Variants in RGS7 observed in about 807,000 individuals in gnomAD.
RGS7 encodes the protein regulator of G protein signaling 7.
A neutral mutation model predicts 81.1 loss-of-function variants in RGS7; 27 were observed. The ratio of observed to expected loss-of-function variants is 0.33; its 90% CI spans 0.25 to 0.46. The LOEUF is 0.46. Among genes scored for constraint, RGS7 ranks in the 20% least tolerant of loss-of-function variants. The pLI is 1.00. For synonymous variants in RGS7, 208 were observed against 207.7 expected (o/e 1.00, Z -0.01); for missense variants, 396 against 607.4 (o/e 0.65, Z 3.66).
intron 10 of RGS7, among the ~76,000 whole-genome samples, chr1:240,816,675 T>A (rs1690857798): frequency 6.6e-6 from 1 of 152,186 alleles, no homozygotes; most frequent in South Asian, 2.1e-4. Context: ...GTGCATGTGA[T>A]AAAATTTGAG....
At chr1:241,020,912 G>T (rs1201784192) in intron 3 of RGS7, among the ~76,000 whole-genome samples, 1 of 152,128 alleles carries the variant, frequency 6.6e-6, no homozygotes, top group Non-Finnish European at 1.5e-5. Context: ...AGCAATTTGG[G>T]ATCATTCCTT....
At chr1:241,284,441 C>A (rs1041533032) in intron 2 of RGS7, among the ~76,000 whole-genome samples, 1 of 151,982 alleles carries the variant, frequency 6.6e-6, no homozygotes, top group Non-Finnish European at 1.5e-5. Context: ...TTCAATGATA[C>A]CAGAGTGGTG....
rs1279556226 is a variant in RGS7, at chr1:240,823,937, AACTT to A, written c.684+3157_684+3160del. Among the ~76,000 whole-genome samples, 7 of 151,718 alleles carry A rather than the reference AACTT, an allele frequency of 4.6e-5. No homozygotes were observed. In the East Asian group the frequency reaches 7.8e-4, roughly 17 times the overall value. On this transcript the variant is annotated intron_variant, in intron 10 of 18. Transcript: ENST00000440928. ...ACATCAGACCGACAGTTCCCCTTCA[AACTT>A]ACTTAGATTAGGCTGATTTCTTTCT...
chr1:240,924,196 T>C (rs1442177672), intron 6 of RGS7, among the ~76,000 whole-genome samples: 1 of 152,194 alleles, frequency 6.6e-6, no homozygotes. Flanking sequence ...CTACAATTGC[T>C]GTGGTTGGCC....
chr1:241,324,168 T>C (rs751350798), intron 2 of RGS7, among the ~76,000 whole-genome samples: 12 of 152,184 alleles, frequency 7.9e-5, no homozygotes, highest in African/African-American at 1.2e-4. Context: ...CACACGGGCA[T>C]AGTAGCTCAA....
At chr1:241,137,253 A>T (rs1313971753) in intron 2 of RGS7, among the ~76,000 whole-genome samples, 1 of 151,768 alleles carries the variant, frequency 6.6e-6, no homozygotes, top group Non-Finnish European at 1.5e-5. Context: ...TCCTTGAGGG[A>T]AATTTATGTT....
chr1:241,116,812 C>T (rs150739695), intron 2 of RGS7, among the ~76,000 whole-genome samples: 34 of 152,234 alleles, frequency 2.2e-4, no homozygotes, highest in African/African-American at 7.5e-4. Context: ...CTCCTTCCAG[C>T]TATTTGAAAT....
At chr1:241,109,207 C>T (rs2065340844) in intron 2 of RGS7, among the ~76,000 whole-genome samples, 2 of 152,160 alleles carry the variant, frequency 1.3e-5, no homozygotes, top group Admixed American at 1.3e-4. Flanking sequence ...TCAGCAATTG[C>T]TCCTGCCTGC....
intron 2 of RGS7, among the ~76,000 whole-genome samples, chr1:241,120,265 G>A (rs2066158024): frequency 6.6e-6 from 1 of 152,166 alleles, no homozygotes; most frequent in African/African-American, 2.4e-5. Context: ...CAGGGGCTTT[G>A]AGAAGCCTTT....
At chr1:240,836,614 T>TA (rs756999155) in intron 9 of RGS7, among the ~76,000 whole-genome samples, 1 of 152,242 alleles carries the variant, frequency 6.6e-6, no homozygotes, top group Non-Finnish European at 1.5e-5. Context: ...GGGTTGTATT[T>TA]ACATACAATG....
intron 10 of RGS7, among the ~76,000 whole-genome samples, chr1:240,824,543 G>A (rs1242060240): frequency 8.5e-5 from 13 of 152,238 alleles, no homozygotes; most frequent in South Asian, 2.1e-4. Context: ...ATCTCACAGC[G>A]TCACCTGCTC....
At chr1:241,075,619 CTCA>C (rs1481790292) in intron 3 of RGS7, among the ~76,000 whole-genome samples, 1 of 152,156 alleles carries the variant, frequency 6.6e-6, no homozygotes, top group Admixed American at 6.5e-5. Flanking sequence ...GCAAAAACGT[CTCA>C]TCATGTTTTA....
At chr1:241,224,949 C>A (rs1481543809) in intron 2 of RGS7, among the ~76,000 whole-genome samples, 1 of 151,992 alleles carries the variant, frequency 6.6e-6, no homozygotes, top group Non-Finnish European at 1.5e-5. Context: ...GCACTCACAG[C>A]ATGATAACTG....
chr1:241,273,176 C>CA (rs773516656), intron 2 of RGS7, among the ~76,000 whole-genome samples: 4 of 12,084 alleles, frequency 3.3e-4, no homozygotes, highest in Non-Finnish European at 5.4e-4. Context: ...TAATAATGAA[C>CA]CCCCCCCCCC....
rs1438409621 is a variant in RGS7, at chr1:240,933,904, G to A, written c.333+2696C>T. The stretch of plus-strand genomic sequence containing the variant: ...TTGAGACAAATATATAAACTGTCAT[G>A]CCAATGAAATAAAGATTTCTGTTTA... On this transcript the variant is annotated intron_variant, in intron 5 of 18. Transcript: ENST00000440928. Among the ~76,000 whole-genome samples, 5 of 152,102 alleles carry A rather than the reference G, an allele frequency of 3.3e-5. No homozygotes were observed. The East Asian group carries it at 5.8e-4, about 18-fold the overall frequency.
intron 6 of RGS7, among the ~76,000 whole-genome samples, chr1:240,899,373 C>T (rs773091645): frequency 6.6e-6 from 1 of 152,132 alleles, no homozygotes; most frequent in Non-Finnish European, 1.5e-5. Context: ...TGGTTTCTTC[C>T]TAGCATCGAT....
intron 9 of RGS7, among the ~76,000 whole-genome samples, chr1:240,840,299 A>C (rs1227475785): frequency 6.6e-6 from 1 of 150,750 alleles, no homozygotes; most frequent in African/African-American, 2.4e-5. Flanking sequence ...TTTGAGATGG[A>C]GTCTCGCTCC....
In RGS7 at chr1:241,256,572, T is replaced by C. The variant is rs186639751; in HGVS notation, c.78+99127A>G. Among the ~76,000 whole-genome samples, 684 of 152,304 alleles carry C rather than the reference T, an allele frequency of 4.5e-3. 4 individuals are homozygous for C. Among genetic ancestry groups the C allele is most frequent in the Non-Finnish European group, 5.0e-3 (340 of 68,032 alleles). ...GGGTGGCTGACACAACAGAAATTTA[T>C]GTCTCACAGTTTTGAAGGCTGGAAA... is the stretch of plus-strand genomic sequence containing the variant. On this transcript the variant is annotated intron_variant, in intron 2 of 18. Transcript: ENST00000440928.
At chr1:241,090,701 T>G (rs1198244051) in intron 3 of RGS7, among the ~76,000 whole-genome samples, 2 of 152,160 alleles carry the variant, frequency 1.3e-5, no homozygotes, top group African/African-American at 4.8e-5. Context: ...ATTATAGAAT[T>G]TATGCAGAAA....
Sources: allele counts gnomAD v4.1 joint callset (sites outside exome capture counted in the v4.1 genomes callset), GRCh38; gene constraint gnomAD v4.1.1; transcripts MANE v1.5; gene names NCBI Gene and HGNC (gene_info 2026-07-23, HGNC 2026-07-21).